PDE11A: variants seen among roughly 807,000 people sequenced by gnomAD.
PDE11A encodes the protein phosphodiesterase 11A.
PDE11A carries 100 observed loss-of-function variants against 100.5 expected under a neutral mutation model. The observed-to-expected ratio is 1.00, with a 90% CI of 0.85 to 1.18. The LOEUF (loss-of-function observed/expected upper bound fraction) is 1.18. PDE11A is among the 50% of genes most tolerant of loss of function. The pLI is 0.00. For synonymous variants in PDE11A, 381 were observed against 420.8 expected (o/e 0.91, Z 1.16); for missense variants, 1,141 against 1,152.6 (o/e 0.99, Z 0.15).
intron 4 of PDE11A, among the ~76,000 whole-genome samples, chr2:177,879,318 C>G (rs1366938223): frequency 6.6e-6 from 1 of 152,200 alleles, no homozygotes; most frequent in Non-Finnish European, 1.5e-5. Context: ...TATTTTAGAA[C>G]CAACTTTGCC....
intron 16 of PDE11A, among the ~76,000 whole-genome samples, chr2:177,677,593 G>A (rs1381274681): frequency 6.6e-6 from 1 of 152,138 alleles, no homozygotes; most frequent in Non-Finnish European, 1.5e-5. Context: ...GTGGATGTGA[G>A]GATGGTTTGA....
At chr2:177,853,511 C>G (rs934251090) in intron 5 of PDE11A, among the ~76,000 whole-genome samples, 1 of 150,674 alleles carries the variant, frequency 6.6e-6, no homozygotes, top group Non-Finnish European at 1.5e-5. Flanking sequence ...ACTGCTGATA[C>G]TAGAGCAGTC....
chr2:177,764,277 T>C (rs1473885845), intron 10 of PDE11A, among the ~76,000 whole-genome samples: 1 of 152,172 alleles, frequency 6.6e-6, no homozygotes, highest in Non-Finnish European at 1.5e-5. Flanking sequence ...TATGAGGTAG[T>C]CCAAACCCAA....
chr2:178,050,110 G>C (rs1164336815), intron 1 of PDE11A, among the ~76,000 whole-genome samples: 2 of 151,118 alleles, frequency 1.3e-5, no homozygotes, highest in South Asian at 4.2e-4. Context: ...AGTAGGGGCA[G>C]ACTGACACCT....
At chr2:178,051,666 A>G (rs975649468) in intron 1 of PDE11A, among the ~76,000 whole-genome samples, 3 of 152,230 alleles carry the variant, frequency 2.0e-5, no homozygotes, top group Non-Finnish European at 4.4e-5. Flanking sequence ...AGGAAGATCT[A>G]CCAAGCAAAT....
rs1469522170 is a variant in PDE11A, at chr2:177,631,322, A to AAAAAAAAAAAAAC, written c.2647-1761_2647-1760insGTTTTTTTTTTTT. Among the ~76,000 whole-genome samples the AAAAAAAAAAAAAC allele has an allele frequency of 1.6e-3, 27 of 16,882 alleles. 2 individuals carry two copies. The highest frequency in any genetic ancestry group is 2.0e-3 in the African/African-American group (22 of 10,838). The allele number at this position is 16,882 out of a possible 152,430, so 11.1% of individuals were successfully genotyped here. On this transcript the variant is annotated intron_variant, in intron 19 of 19. Transcript: ENST00000286063. The stretch of plus-strand genomic sequence containing the variant: ...AAAAAAAAAAAAAACAAAAAAAAAA[A>AAAAAAAAAAAAAC]CAACCTAGGCGTGGTGGCACATGCC...
intron 2 of PDE11A, among the ~76,000 whole-genome samples, chr2:177,920,016 C>T (rs1238129717): frequency 6.6e-6 from 1 of 151,972 alleles, no homozygotes; most frequent in East Asian, 1.9e-4. Context: ...CGTGTTGGGA[C>T]ATAGTTCATC....
intron 10 of PDE11A, among the ~76,000 whole-genome samples, chr2:177,746,466 C>T (rs2081949500): frequency 6.6e-6 from 1 of 152,200 alleles, no homozygotes; most frequent in Admixed American, 6.5e-5. Flanking sequence ...AAGGAAAGAC[C>T]AGAGTCTGTA....
chr2:177,996,468 CATATAT>C (rs36051210), intron 2 of PDE11A, among the ~76,000 whole-genome samples: 1 of 145,780 alleles, frequency 6.9e-6, no homozygotes, highest in Non-Finnish European at 1.5e-5. Context: ...TACATATATA[CATATAT>C]ATATATATAT....
chr2:178,032,832 C>T (rs2086566142), intron 1 of PDE11A, among the ~76,000 whole-genome samples: 1 of 152,148 alleles, frequency 6.6e-6, no homozygotes, highest in Non-Finnish European at 1.5e-5. Flanking sequence ...GAAAAACTAA[C>T]AAACAGAAAG....
At chr2:178,047,317 G>T (rs886329294) in intron 1 of PDE11A, among the ~76,000 whole-genome samples, 3 of 152,042 alleles carry the variant, frequency 2.0e-5, no homozygotes, top group Non-Finnish European at 4.4e-5. Flanking sequence ...CAAAAAATTA[G>T]CCAGGTCTGG....
At chr2:177,877,582 T>C (rs989212690) in intron 4 of PDE11A, among the ~76,000 whole-genome samples, 14 of 152,228 alleles carry the variant, frequency 9.2e-5, no homozygotes, top group Non-Finnish European at 1.6e-4. Context: ...CTTTCTGTGA[T>C]ATGCGAATAA....
chr2:177,861,385 T>C (rs1410727126), intron 5 of PDE11A, among the ~76,000 whole-genome samples: 5 of 151,798 alleles, frequency 3.3e-5, no homozygotes, highest in Non-Finnish European at 1.5e-5. Flanking sequence ...GTAAGTCTTT[T>C]ACACTTAAAA....
At chr2:177,645,046 A>C (rs895418413) in intron 19 of PDE11A, among the ~76,000 whole-genome samples, 1 of 152,226 alleles carries the variant, frequency 6.6e-6, no homozygotes, top group Admixed American at 6.5e-5. Flanking sequence ...TGTCTTTATT[A>C]GCAGTGTGAA....
At chr2:177,877,670 G>T (rs1050328637) in intron 4 of PDE11A, among the ~76,000 whole-genome samples, 7 of 152,132 alleles carry the variant, frequency 4.6e-5, no homozygotes, top group South Asian at 2.1e-4. Context: ...AACAAGAAAA[G>T]GTTAGAAAGT....
intron 2 of PDE11A, among the ~76,000 whole-genome samples, chr2:178,087,853 T>C (rs1010311212): frequency 6.6e-6 from 1 of 152,160 alleles, no homozygotes; most frequent in Non-Finnish European, 1.5e-5. Context: ...AGGGAAGGTG[T>C]CCCACTCCTC....
chr2:177,924,936 G>A (rs925801100), intron 2 of PDE11A, among the ~76,000 whole-genome samples: 10 of 144,726 alleles, frequency 6.9e-5, no homozygotes, highest in African/African-American at 2.3e-4. Flanking sequence ...GTGTCCATGT[G>A]ATCTCATTGT....
At chr2:177,755,467 G>T (rs1380629819) in intron 10 of PDE11A, among the ~76,000 whole-genome samples, 12 of 152,204 alleles carry the variant, frequency 7.9e-5, no homozygotes. Flanking sequence ...ATGGGGTCAT[G>T]CAAAAGTTAC....
intron 10 of PDE11A, among the ~76,000 whole-genome samples, chr2:177,737,169 G>T (rs2081797747): frequency 6.6e-6 from 1 of 152,096 alleles, no homozygotes; most frequent in Non-Finnish European, 1.5e-5. Flanking sequence ...TAACCCGGAA[G>T]GCAGAGGTTG....
Sources: allele counts gnomAD v4.1 joint callset (sites outside exome capture counted in the v4.1 genomes callset), GRCh38; gene constraint gnomAD v4.1.1; transcripts MANE v1.5; gene names NCBI Gene and HGNC (gene_info 2026-07-23, HGNC 2026-07-21).